NRXN1: variants seen among roughly 807,000 people sequenced by gnomAD.
NRXN1 encodes the protein neurexin 1.
In NRXN1, 39 loss-of-function variants were observed where a neutral mutation model predicts 150.9. The ratio of observed to expected loss-of-function variants is 0.26; its 90% confidence interval spans 0.20 to 0.34. NRXN1 has a LOEUF of 0.34. Ranked by LOEUF, NRXN1 falls within the 10% of genes least tolerant of loss-of-function variation. The probability of loss-of-function intolerance (pLI) is 1.00; values close to 1 mark genes in which losing one functional copy is unlikely to be tolerated. For missense variants in NRXN1, 1,815 were observed against 1,949.9 expected, an observed-to-expected ratio of 0.93 and a Z score of 1.30; for synonymous variants, 924 against 757.0, an observed-to-expected ratio of 1.22 and a Z score of -3.62.
intron 17 of NRXN1, among the ~76,000 whole-genome samples, chr2:50,248,088 T>C (rs887723539): frequency 1.3e-5 from 2 of 152,214 alleles, no homozygotes; most frequent in African/African-American, 4.8e-5. Context: ...CATAGCTGAT[T>C]TGCAGCCTCA....
intron 5 of NRXN1, among the ~76,000 whole-genome samples, chr2:50,812,582 T>C (rs1169932637): frequency 6.6e-6 from 1 of 152,090 alleles, no homozygotes; most frequent in Non-Finnish European, 1.5e-5. Context: ...TATACATGAC[T>C]ATAATTCACA....
intron 17 of NRXN1, among the ~76,000 whole-genome samples, chr2:50,396,717 G>A (rs972592090): frequency 2.0e-5 from 3 of 152,118 alleles, no homozygotes; most frequent in Non-Finnish European, 4.4e-5. Flanking sequence ...CTCAGGTGAA[G>A]TGCAAAAATA....
intron 17 of NRXN1, among the ~76,000 whole-genome samples, chr2:50,424,901 T>C (rs568789326): frequency 1.3e-5 from 2 of 152,176 alleles, no homozygotes; most frequent in Non-Finnish European, 2.9e-5. Flanking sequence ...TGTTAAAAAA[T>C]AAGAAGCATC....
At chr2:50,364,779 A>G (rs558315140) in intron 17 of NRXN1, among the ~76,000 whole-genome samples, 206 of 152,260 alleles carry the variant, frequency 1.4e-3, no homozygotes, top group Non-Finnish European at 2.2e-3. Flanking sequence ...GCAATGGATC[A>G]TGAAGAAAAG....
At chr2:50,926,424 C>T (rs541288546) in intron 2 of NRXN1, among the ~76,000 whole-genome samples, 32 of 152,008 alleles carry the variant, frequency 2.1e-4, no homozygotes, top group African/African-American at 7.2e-4. Flanking sequence ...AATATATTAT[C>T]CATATGCCAT....
At chr2:50,382,048 T>G (rs950864636) in intron 17 of NRXN1, among the ~76,000 whole-genome samples, 2 of 151,996 alleles carry the variant, frequency 1.3e-5, no homozygotes, top group African/African-American at 4.8e-5. Flanking sequence ...AGGCCCAGAG[T>G]AGAGCAGAGA....
intron 17 of NRXN1, among the ~76,000 whole-genome samples, chr2:50,388,843 T>C (rs2081496894): frequency 6.6e-6 from 1 of 152,024 alleles, no homozygotes; most frequent in African/African-American, 2.4e-5. Context: ...GTTCTCTGAT[T>C]GATTTTATGC....
chr2:50,166,875 C>T (rs559599657), intron 18 of NRXN1, among the ~76,000 whole-genome samples: 1 of 152,024 alleles, frequency 6.6e-6, no homozygotes, highest in Non-Finnish European at 1.5e-5. Context: ...TGAATAAGCA[C>T]CCCTGGTGAT....
At chr2:50,091,875 C>G (rs981552365) in intron 18 of NRXN1, among the ~76,000 whole-genome samples, 8 of 152,174 alleles carry the variant, frequency 5.3e-5, no homozygotes, top group African/African-American at 1.7e-4. Flanking sequence ...CTTTTAATAA[C>G]TGGTGAAATC....
chr2:50,096,450 A>G (rs1339434807), intron 18 of NRXN1, among the ~76,000 whole-genome samples: 1 of 152,222 alleles, frequency 6.6e-6, no homozygotes, highest in Non-Finnish European at 1.5e-5. Context: ...ACAATTTAAA[A>G]GAATTCATTT....
Position 49,978,427 on chromosome 2 carries a change from C to A in NRXN1, c.4129-34636G>T, listed in dbSNP as rs371917995. ...CGGGCTCTCACGAAGTGTCTCTATC[C>A]ATAGATAAGGTTTCTGAAAACAGAG... On this transcript the variant is annotated intron_variant, in intron 21 of 22. Transcript: ENST00000401669. 2.1e-4 allele frequency among the ~76,000 whole-genome samples: 32 copies of A among 152,140 alleles called. No individual in the cohort carries two copies. In the South Asian group the frequency reaches 5.6e-3, roughly 27 times the overall value.
Position 50,055,044 on chromosome 2 carries a change from C to A in NRXN1, c.3719G>T (p.Gly1240Val). The change falls in exon 20 of 23, where the codon GGA becomes GTA. Residue 1240 changes from glycine to valine, a missense_variant and splice_region_variant. By Grantham distance (109) the Gly-to-Val change is moderately radical. This residue lies in a region of NRXN1 where 339 missense variants were observed against 440.3 expected (regional missense o/e 0.77). Transcript: ENST00000401669. The part of the protein sequence containing the change: ...SWPVIERYPA[G>V]NNDNERLAIA... ...CGCCAGGCGCTCGTTATCATTGTTT[C>A]CTTTAAAGTTTAAAGAGACATTTCA... The A allele has an allele frequency of 6.3e-7, 1 of 1,588,058 alleles. No individual in the cohort carries two copies. Among genetic ancestry groups the A allele is most frequent in the Non-Finnish European group, 8.6e-7 (1 of 1,167,870 alleles).
At chr2:50,414,609 A>G (rs1572884761) in intron 17 of NRXN1, among the ~76,000 whole-genome samples, 1 of 152,222 alleles carries the variant, frequency 6.6e-6, no homozygotes, top group East Asian at 1.9e-4. Flanking sequence ...TTTGGACACT[A>G]CTATCCTTCT....
chr2:50,252,233 C>CTTTTTT (rs55993018), intron 17 of NRXN1, among the ~76,000 whole-genome samples: 60 of 94,886 alleles, frequency 6.3e-4, no homozygotes, highest in Admixed American at 1.0e-3. Context: ...ACATTTTGTC[C>CTTTTTT]TTTTTTTTTT....
At chr2:50,886,840 A>G (rs979776604) in intron 5 of NRXN1, among the ~76,000 whole-genome samples, 1 of 151,394 alleles carries the variant, frequency 6.6e-6, no homozygotes, top group African/African-American at 2.4e-5. Context: ...TGGAGAGCCC[A>G]AAGTCTAGAA....
At chr2:50,207,085 G>C (rs193135301) in intron 18 of NRXN1, among the ~76,000 whole-genome samples, 2 of 152,096 alleles carry the variant, frequency 1.3e-5, no homozygotes, top group Admixed American at 1.3e-4. Flanking sequence ...TATGTTAGAT[G>C]CTAAAATCTA....
At chr2:50,137,224 A>T (rs1281489372) in intron 18 of NRXN1, among the ~76,000 whole-genome samples, 1 of 152,170 alleles carries the variant, frequency 6.6e-6, no homozygotes, top group African/African-American at 2.4e-5. Context: ...TTATTTGTCA[A>T]TTATAAAAAG....
intron 13 of NRXN1, among the ~76,000 whole-genome samples, chr2:50,501,984 T>G (rs2091972074): frequency 6.6e-6 from 1 of 152,226 alleles, no homozygotes. Flanking sequence ...TTCAGTGATT[T>G]CTGACTTGCT....
chr2:50,354,031 G>A lies in NRXN1; in HGVS notation c.3364+111411C>T, dbSNP rs549694379. Among the ~76,000 whole-genome samples, 3 of 152,222 alleles carry A rather than the reference G, an allele frequency of 2.0e-5. No homozygotes were observed. In the East Asian group the frequency reaches 5.8e-4, roughly 29 times the overall value. ...CAGGTTTTATTAACTAACACATGGA[G>A]AGCTTTCTCATTAAGCTCCTTACCA... On this transcript the variant is annotated intron_variant, in intron 17 of 22. Coordinates refer to ENST00000401669, the MANE Select transcript of NRXN1 (RefSeq NM_001330078.2).
Sources: gnomAD v4.1 joint callset for allele counts (sites outside exome capture counted in the v4.1 genomes callset) on GRCh38, gnomAD v4.1.1 for gene constraint, gnomAD v4.1.1 regional missense constraint, MANE v1.5 for transcripts, NCBI Gene and HGNC (gene_info 2026-07-23, HGNC 2026-07-21) for gene names.